Variants in MRPL15 observed in about 807,000 individuals in gnomAD.
The protein encoded by MRPL15 is large ribosomal subunit protein uL15m.
A neutral mutation model predicts 28.0 loss-of-function variants in MRPL15; 24 were observed. The observed-to-expected ratio is 0.86, with a 90% CI of 0.62 to 1.21. MRPL15 has a LOEUF of 1.21. Among genes scored for constraint, MRPL15 ranks in the 50% most tolerant of loss-of-function variants. The probability of loss-of-function intolerance (pLI) is 0.00; values close to 1 mark genes in which losing one functional copy is unlikely to be tolerated. For synonymous variants in MRPL15, 124 were observed against 137.0 expected (o/e 0.90, Z 0.66); for missense variants, 343 against 372.4 (o/e 0.92, Z 0.65).
At chr8:54,140,237 C>T (rs1162956365) in intron 3 of MRPL15, among the ~76,000 whole-genome samples, 2 of 152,020 alleles carry the variant, frequency 1.3e-5, no homozygotes, top group Non-Finnish European at 2.9e-5. Context: ...GAGTTCAGAG[C>T]TACATTTTCC....
rs200528523 is a variant in MRPL15, at chr8:54,135,366, A to T, written c.83A>T (p.Lys28Met). ...GLPRVSLANL[K>M]PNPGSKKPER... Reference sequence around the variant, plus strand: ...CCGCGTGTGAGCCTGGCCAACTTAAAGCCGAATCCCGGCTCCAAGAAACCG... The same window carrying T: ...CCGCGTGTGAGCCTGGCCAACTTAATGCCGAATCCCGGCTCCAAGAAACCG... The change falls in exon 1 of 5, where the codon AAG becomes ATG. Residue 28 changes from lysine to methionine, a missense_variant. Physicochemically the swap from Lys to Met is moderately conservative, Grantham distance 95. Coordinates refer to ENST00000260102, the MANE Select transcript of MRPL15 (RefSeq NM_014175.4). The T allele has an allele frequency of 8.2e-4, 1,255 of 1,525,042 alleles. 9 individuals carry two copies. In the African/African-American group the frequency reaches 0.016, roughly 19 times the overall value. 94.5% of individuals were successfully genotyped at this position (1,525,042 alleles called of 1,614,324 possible). A position where few individuals can be genotyped will look rare whatever the true frequency, so the allele number is the denominator to read the frequency against.
In MRPL15 at chr8:54,144,196, G is replaced by A. The variant is rs1041034879; in HGVS notation, c.553+1410G>A. Among the ~76,000 whole-genome samples, 6 of 152,318 alleles carry A rather than the reference G, an allele frequency of 3.9e-5. No homozygotes were observed. The South Asian group carries it at 1.0e-3, about 26-fold the overall frequency. On this transcript the variant is annotated intron_variant, in intron 4 of 4. Transcript: ENST00000260102. Reference sequence around the variant, plus strand: ...AGAGCGATGCCTGGTATCTAGAAGAGGCTCACTTAAATTTTGTTGAATAAA... The same window carrying A: ...AGAGCGATGCCTGGTATCTAGAAGAAGCTCACTTAAATTTTGTTGAATAAA...
rs370538622 is a variant in MRPL15, at chr8:54,147,633, C to G, written c.805C>G (p.Leu269Val). 4.0e-5 allele frequency: 64 copies of G among 1,614,062 alleles called. No individual in the cohort carries two copies. The highest frequency in any genetic ancestry group is 5.3e-5 in the Non-Finnish European group (63 of 1,180,038). Residue 269 changes from leucine (L) to valine (V), a missense_variant, in exon 5 of 5, where the codon CTT becomes GTT. By Grantham distance (32) the Leu-to-Val change is conservative. Coordinates refer to ENST00000260102, the MANE Select transcript of MRPL15 (RefSeq NM_014175.4). ...GGATCCAAGGCAGATTTTCTTTGGTCTTGCTCCAGGATGGGTGGTGAATAT... is the reference window on the plus strand; with the variant it reads ...GGATCCAAGGCAGATTTTCTTTGGTGTTGCTCCAGGATGGGTGGTGAATAT... ...RKDPRQIFFG[L>V]APGWVVNMAD...
At position 54,147,663 on chromosome 8, in the gene MRPL15, G is replaced by A. The variant is rs1353155260; in HGVS notation, c.835G>A (p.Asp279Asn). ...TCCAGGATGGGTGGTGAATATGGCC[G>A]ATAAGAAAATCCTAAAACCTACAGA... ...LAPGWVVNMA[D>N]KKILKPTDEN... Residue 279 changes from aspartate to asparagine, a missense_variant, in exon 5 of 5, where the codon GAT (aspartate) becomes AAT (asparagine). Transcript: ENST00000260102. 1.2e-5 allele frequency: 19 copies of A among 1,613,864 alleles called. No individual in the cohort carries two copies. Among genetic ancestry groups the A allele is most frequent in the East Asian group, 4.5e-5 (2 of 44,902 alleles).
chr8:54,143,459 G>C (rs1271895933), intron 4 of MRPL15, among the ~76,000 whole-genome samples: 1 of 152,056 alleles, frequency 6.6e-6, no homozygotes, highest in African/African-American at 2.4e-5. Flanking sequence ...CCAAAATTTG[G>C]AGTCCTGAAC....
intron 3 of MRPL15, 76 bp from the exon 4 acceptor site, chr8:54,142,587 C>G: frequency 6.5e-7 from 1 of 1,541,816 alleles, no homozygotes; most frequent in South Asian, 1.3e-5. Flanking sequence ...AAAACACTGT[C>G]TAAAAAGGAA....
intron 1 of MRPL15, among the ~76,000 whole-genome samples, chr8:54,135,885 C>T (rs1810821487): frequency 6.6e-6 from 1 of 152,182 alleles, no homozygotes; most frequent in Non-Finnish European, 1.5e-5. Flanking sequence ...GAAGCCGACT[C>T]GCTGAAACTA....
chr8:54,137,550 C>T, intron 3 of MRPL15, 117 bp downstream of exon 3: 1 of 890,326 alleles, frequency 1.1e-6, no homozygotes, highest in Non-Finnish European at 1.7e-6. Flanking sequence ...GCAACCTCCA[C>T]CTCACAAGTT....
At chr8:54,145,083 C>CT (rs1811021208) in intron 4 of MRPL15, among the ~76,000 whole-genome samples, 1 of 152,196 alleles carries the variant, frequency 6.6e-6, no homozygotes, top group African/African-American at 2.4e-5. Context: ...GCGTGGCTCT[C>CT]TGCAGCAGCT....
In MRPL15 at chr8:54,136,548, G is replaced by A. The variant is rs1379350168; in HGVS notation, c.146G>A (p.Cys49Tyr). 3.1e-6 allele frequency: 5 copies of A among 1,614,028 alleles called. No individual in the cohort carries two copies. The highest frequency in any genetic ancestry group is 4.2e-6 in the Non-Finnish European group (5 of 1,180,004). The part of the protein sequence containing the change: ...RPRGRRRGRK[C>Y]GRGHKGERQR... ...AGAGGTCGGAGAAGAGGTAGAAAAT[G>A]TGGCAGAGGCCATAAAGGAGAAAGG... Residue 49 changes from cysteine (C) to tyrosine (Y), a missense_variant, in exon 2 of 5, where the codon TGT (cysteine) becomes TAT (tyrosine). By Grantham distance (194) the Cys-to-Tyr change is radical. Coordinates refer to ENST00000260102, the MANE Select transcript of MRPL15 (RefSeq NM_014175.4).
At chr8:54,139,565 C>T (rs947748849) in intron 3 of MRPL15, among the ~76,000 whole-genome samples, 3 of 152,158 alleles carry the variant, frequency 2.0e-5, no homozygotes, top group African/African-American at 7.2e-5. Context: ...CTTATCAGCC[C>T]TTAAACTGCA....
intron 4 of MRPL15, among the ~76,000 whole-genome samples, chr8:54,144,776 CAA>C (rs34125157): frequency 6.8e-6 from 1 of 147,298 alleles, no homozygotes; most frequent in Non-Finnish European, 1.5e-5. Context: ...GAGACTGTCT[CAA>C]AAAAAAAACA....
rs752034332 is a variant in MRPL15, at chr8:54,137,389, A to G, written c.385A>G (p.Ile129Val). 6.8e-6 allele frequency: 11 copies of G among 1,614,170 alleles called. No homozygotes were observed. In the East Asian group the frequency reaches 2.0e-4, roughly 29 times the overall value. Reference sequence around the variant, plus strand: ...GCTTGTCAATGGGAGAGGTGTGACCATCCAGCCACTTAAAAGGGATTATGG... The same window carrying G: ...GCTTGTCAATGGGAGAGGTGTGACCGTCCAGCCACTTAAAAGGGATTATGG... ...TQLVNGRGVT[I>V]QPLKRDYGVQ... Residue 129 changes from isoleucine to valine, a missense_variant, in exon 3 of 5, where the codon ATC becomes GTC. Transcript: ENST00000260102.
At chr8:54,139,915 T>C (rs980443571) in intron 3 of MRPL15, among the ~76,000 whole-genome samples, 2 of 152,166 alleles carry the variant, frequency 1.3e-5, no homozygotes, top group Non-Finnish European at 2.9e-5. Context: ...TATGGATTGC[T>C]TAAAAATCAC....
chr8:54,142,205 A>G (rs1375229290), intron 3 of MRPL15, among the ~76,000 whole-genome samples: 1 of 151,696 alleles, frequency 6.6e-6, no homozygotes, highest in Non-Finnish European at 1.5e-5. Context: ...CCCAGGCTGG[A>G]GTGCAATGGC....
chr8:54,140,804 G>C (rs1285892330), intron 3 of MRPL15, among the ~76,000 whole-genome samples: 1 of 151,280 alleles, frequency 6.6e-6, no homozygotes, highest in Non-Finnish European at 1.5e-5. Flanking sequence ...GGGTGGTCTT[G>C]ATCTTCTGAC....
intron 4 of MRPL15, among the ~76,000 whole-genome samples, chr8:54,145,888 C>T (rs1371627033): frequency 1.3e-5 from 2 of 152,192 alleles, no homozygotes; most frequent in Admixed American, 6.5e-5. Context: ...CAGAGCATGA[C>T]CTGGCTTTAG....
intron 4 of MRPL15, among the ~76,000 whole-genome samples, chr8:54,143,401 C>T (rs942308979): frequency 2.6e-5 from 4 of 152,180 alleles, no homozygotes; most frequent in African/African-American, 7.2e-5. Context: ...TTTACCTCAG[C>T]CTGGCTCTTC....
Position 54,147,738 on chromosome 8 carries a change from A to G in MRPL15, c.*19A>G. The G allele has an allele frequency of 6.3e-7, 1 of 1,583,300 alleles. No individual in the cohort carries two copies. The highest frequency in any genetic ancestry group is 8.6e-7 in the Non-Finnish European group (1 of 1,163,110). On this transcript the variant is annotated 3_prime_UTR_variant, in exon 5 of 5. Coordinates refer to ENST00000260102, the MANE Select transcript of MRPL15 (RefSeq NM_014175.4). ...CTCATGAATTCCCGTCCAAGGAAGC[A>G]GAGTTGTTAAAGAGTACTGGAATAG...
Sources: allele counts gnomAD v4.1 joint callset (sites outside exome capture counted in the v4.1 genomes callset), GRCh38; gene constraint gnomAD v4.1.1; transcripts MANE v1.5; gene names NCBI Gene and HGNC (gene_info 2026-07-23, HGNC 2026-07-21).